Variants in TSHZ2 observed in about 807,000 individuals in gnomAD.
TSHZ2 encodes teashirt zinc finger homeobox 2, also known as teashirt homolog 2.
Under a neutral mutation model 74.4 loss-of-function variants are expected in TSHZ2, and 21 were observed. The ratio of observed to expected loss-of-function variants is 0.28; its 90% CI spans 0.20 to 0.41. TSHZ2 has a LOEUF of 0.41. Among genes scored for constraint, TSHZ2 ranks in the 10% least tolerant of loss-of-function variants. The probability of loss-of-function intolerance (pLI) is 1.00; values close to 1 mark genes in which losing one functional copy is unlikely to be tolerated. For synonymous variants in TSHZ2, 540 were observed against 515.3 expected (o/e 1.05, Z -0.65); for missense variants, 1,244 against 1,293.5 (o/e 0.96, Z 0.59).
chr20:53,102,468 G>A (rs1040536719), intron 1 of TSHZ2, among the ~76,000 whole-genome samples: 60 of 150,464 alleles, frequency 4.0e-4, no homozygotes, highest in African/African-American at 1.4e-3. Flanking sequence ...GGAGAGGGGA[G>A]GGAAGAAGAG....
chr20:53,103,137 G>T (rs1986265722), intron 1 of TSHZ2, among the ~76,000 whole-genome samples: 1 of 152,116 alleles, frequency 6.6e-6, no homozygotes, highest in Admixed American at 6.5e-5. Flanking sequence ...TAAAGCCCTG[G>T]TGTAGAAGGA....
At position 52,973,320 on chromosome 20, in the gene TSHZ2, C is replaced by G. The variant is rs199549674; in HGVS notation, c.27C>G (p.Pro9=). The G allele has an allele frequency of 6.4e-7, 1 of 1,552,610 alleles. No homozygotes were observed. Among genetic ancestry groups the G allele is most frequent in the Non-Finnish European group, 8.7e-7 (1 of 1,147,236 alleles). Residue 9 remains proline (P), a synonymous_variant, in exon 1 of 3, where the codon CCC becomes CCG. Transcript: ENST00000371497. MPRRKQQA[P]KRAAGYAQEE... ...TGCCGAGGAGAAAACAGCAGGCACC[C>G]AAGCGGGCGGCAGGTAAGAGAAACG...
chr20:53,322,311 A>T (rs948935800), intron 2 of TSHZ2, among the ~76,000 whole-genome samples: 3 of 152,134 alleles, frequency 2.0e-5, no homozygotes, highest in African/African-American at 7.2e-5. Flanking sequence ...TCAAGAGTTC[A>T]AGACCAGCCT....
At chr20:53,232,951 A>G (rs948107558) in intron 1 of TSHZ2, among the ~76,000 whole-genome samples, 2 of 152,216 alleles carry the variant, frequency 1.3e-5, no homozygotes, top group African/African-American at 2.4e-5. Flanking sequence ...CTCTCCTGCT[A>G]TCACTTAGAA....
chr20:53,297,280 C>T (rs954974435), intron 2 of TSHZ2, among the ~76,000 whole-genome samples: 17 of 140,208 alleles, frequency 1.2e-4, no homozygotes, highest in South Asian at 8.9e-4. Flanking sequence ...AGACCAGTTC[C>T]GGCTTTGTTA....
intron 1 of TSHZ2, among the ~76,000 whole-genome samples, chr20:53,172,862 G>A (rs1390224859): frequency 2.6e-5 from 4 of 152,192 alleles, no homozygotes; most frequent in African/African-American, 4.8e-5. Flanking sequence ...AGGGAATCAC[G>A]AGAGTGGACT....
intron 1 of TSHZ2, among the ~76,000 whole-genome samples, chr20:53,177,513 G>A (rs1365080868): frequency 1.3e-5 from 2 of 152,182 alleles, no homozygotes; most frequent in African/African-American, 2.4e-5. Context: ...ACTTGAAGAA[G>A]CAAGGCTTTA....
rs554901875 is a variant in TSHZ2 at position 53,385,988 on chromosome 20, C to T, written c.*9-101156C>T. ...AGGGTGTTAGACCCATAGTCTCAAC[C>T]GCACCTTCATTTTTAAGACAGCATT... On this transcript the variant is annotated intron_variant, in intron 2 of 2. Coordinates refer to ENST00000371497, the MANE Select transcript of TSHZ2 (RefSeq NM_173485.6). 2.3e-4 allele frequency among the ~76,000 whole-genome samples: 35 copies of T among 152,244 alleles called. No homozygotes were observed. In the Middle Eastern group the frequency reaches 0.01, roughly 44 times the overall value.
Position 53,073,987 on chromosome 20 carries a change from C to T in TSHZ2, c.40+100654C>T, listed in dbSNP as rs554583138. Among the ~76,000 whole-genome samples the T allele has an allele frequency of 2.2e-4, 33 of 152,284 alleles. No homozygotes were observed. The East Asian group carries it at 5.4e-3, about 25-fold the overall frequency. ...GGGATGCCTGGTGATGTGTGAGGTG[C>T]TTCCACACTTTCTAATTTCAAATTT... On this transcript the variant is annotated intron_variant, in intron 1 of 2. Coordinates refer to ENST00000371497, the MANE Select transcript of TSHZ2 (RefSeq NM_173485.6).
At chr20:53,485,941 G>T (rs1337977807) in intron 2 of TSHZ2, among the ~76,000 whole-genome samples, 1 of 152,104 alleles carries the variant, frequency 6.6e-6, no homozygotes, top group Non-Finnish European at 1.5e-5. Flanking sequence ...GAGTGGCTTT[G>T]AGTACATTCA....
chr20:53,309,980 G>A (rs558417455), intron 2 of TSHZ2, among the ~76,000 whole-genome samples: 10 of 152,272 alleles, frequency 6.6e-5, no homozygotes, highest in African/African-American at 2.2e-4. Flanking sequence ...AGCTCTGAAA[G>A]CCACTGAAAT....
chr20:53,132,313 A>ATTTTTT lies in TSHZ2; in HGVS notation c.41-121175_41-121170dup, dbSNP rs552180228. On this transcript the variant is annotated intron_variant, in intron 1 of 2. Coordinates refer to ENST00000371497, the MANE Select transcript of TSHZ2 (RefSeq NM_173485.6). Reference sequence around the variant, plus strand: ...TTTCTCATTATTCTTTCTGCCCCTAATTTTTTTTTTTTTTTTGAGATAGAG... The same window carrying ATTTTTT: ...TTTCTCATTATTCTTTCTGCCCCTAATTTTTTTTTTTTTTTTTTTTTTGAGATAGAG... Among the ~76,000 whole-genome samples, 32 of 139,322 alleles carry ATTTTTT rather than the reference A, an allele frequency of 2.3e-4. 1 individual carries two copies. Among genetic ancestry groups the ATTTTTT allele is most frequent in the African/African-American group, 8.0e-4 (30 of 37,510 alleles). The allele number at this position is 139,322 out of a possible 152,430, so 91.4% of individuals were successfully genotyped here.
At position 53,406,914 on chromosome 20, in the gene TSHZ2, T is replaced by C. The variant is rs560147724; in HGVS notation, c.*9-80230T>C. 7.0e-4 allele frequency among the ~76,000 whole-genome samples: 107 copies of C among 152,296 alleles called. 1 individual carries two copies. The highest frequency in any genetic ancestry group is 2.4e-3 in the African/African-American group (98 of 41,554). On this transcript the variant is annotated intron_variant, in intron 2 of 2. Coordinates refer to ENST00000371497, the MANE Select transcript of TSHZ2 (RefSeq NM_173485.6). Reference sequence around the variant, plus strand: ...ATCAAAATGCAACCCAAATGTCAACTGGTCCCACGTCTTCCTAATCCCTAC... The same window carrying C: ...ATCAAAATGCAACCCAAATGTCAACCGGTCCCACGTCTTCCTAATCCCTAC...
At chr20:53,199,873 T>C (rs759541038) in intron 1 of TSHZ2, among the ~76,000 whole-genome samples, 5 of 152,228 alleles carry the variant, frequency 3.3e-5, no homozygotes, top group Non-Finnish European at 7.3e-5. Flanking sequence ...AGTGGGGATG[T>C]GCAGTGGTTT....
chr20:53,445,194 C>T (rs1338409755), intron 2 of TSHZ2, among the ~76,000 whole-genome samples: 1 of 152,180 alleles, frequency 6.6e-6, no homozygotes, highest in Non-Finnish European at 1.5e-5. Flanking sequence ...GAATAATTGT[C>T]AAATGCTTGC....
chr20:53,427,566 C>A (rs756233914), intron 2 of TSHZ2, among the ~76,000 whole-genome samples: 2 of 152,156 alleles, frequency 1.3e-5, no homozygotes, highest in Non-Finnish European at 2.9e-5. Context: ...GAGAAAGCAA[C>A]AAGCCCAGGG....
intron 2 of TSHZ2, among the ~76,000 whole-genome samples, chr20:53,461,283 G>A (rs922106606): frequency 5.9e-5 from 9 of 152,224 alleles, no homozygotes; most frequent in Non-Finnish European, 8.8e-5. Context: ...CGCTGTATTC[G>A]GGTGGGAGTG....
intron 2 of TSHZ2, among the ~76,000 whole-genome samples, chr20:53,311,463 A>AC (rs1353484371): frequency 1.3e-5 from 2 of 152,208 alleles, no homozygotes; most frequent in Non-Finnish European, 2.9e-5. Context: ...TGCTTCAGAA[A>AC]CCTTATAACA....
At chr20:53,413,833 A>G (rs1227707025) in intron 2 of TSHZ2, among the ~76,000 whole-genome samples, 14 of 152,238 alleles carry the variant, frequency 9.2e-5, no homozygotes, top group Admixed American at 9.2e-4. Context: ...GTTAAAAATA[A>G]TATCTACATT....
Sources: allele counts gnomAD v4.1 joint callset (sites outside exome capture counted in the v4.1 genomes callset), GRCh38; gene constraint gnomAD v4.1.1; transcripts MANE v1.5; gene names NCBI Gene and HGNC (gene_info 2026-07-23, HGNC 2026-07-21).